The following ROR1 variants were observed in gnomAD, a reference collection of about 807,000 sequenced individuals.
ROR1 encodes the protein ROR family WNT receptor 1.
ROR1 carries 19 observed loss-of-function variants against 78.8 expected under a neutral mutation model. The observed-to-expected ratio is 0.24, with a 90% CI of 0.17 to 0.35. ROR1 has a LOEUF of 0.35. Among genes scored for constraint, ROR1 ranks in the 10% least tolerant of loss-of-function variants. The pLI is 1.00. For missense variants in ROR1, 917 were observed against 1,177.8 expected (o/e 0.78, Z 3.24); for synonymous variants, 386 against 433.6 (o/e 0.89, Z 1.36).
intron 1 of ROR1, among the ~76,000 whole-genome samples, chr1:63,873,481 G>A (rs980841626): frequency 2.0e-5 from 3 of 152,140 alleles, no homozygotes; most frequent in Admixed American, 2.0e-4. Flanking sequence ...CTAGGCTGGA[G>A]TCTTATCCTG....
intron 1 of ROR1, among the ~76,000 whole-genome samples, chr1:63,799,686 ATTAT>A (rs2100252311): frequency 6.8e-6 from 1 of 147,564 alleles, no homozygotes; most frequent in Non-Finnish European, 1.5e-5. Context: ...CTCTTTTGGG[ATTAT>A]TTGTTTATAT....
chr1:64,009,439 C>A, intron 2 of ROR1, 63 bp downstream of exon 2: 2 of 1,257,392 alleles, frequency 1.6e-6, no homozygotes, highest in Admixed American at 3.4e-5. Flanking sequence ...TTAATCCTGG[C>A]ATGACCTTCT....
chr1:64,051,269 G>A (rs1399959882), intron 4 of ROR1, among the ~76,000 whole-genome samples: 1 of 151,828 alleles, frequency 6.6e-6, no homozygotes, highest in Non-Finnish European at 1.5e-5. Context: ...GGCTAACATG[G>A]TGAAACCCGT....
chr1:64,069,092 T>C (rs1307805735), intron 4 of ROR1, among the ~76,000 whole-genome samples: 1 of 151,908 alleles, frequency 6.6e-6, no homozygotes, highest in Non-Finnish European at 1.5e-5. Context: ...TTGTGTAGAC[T>C]TTTTTTTGTA....
At chr1:63,794,934 C>T (rs1394220384) in intron 1 of ROR1, among the ~76,000 whole-genome samples, 1 of 152,006 alleles carries the variant, frequency 6.6e-6, no homozygotes, top group Non-Finnish European at 1.5e-5. Flanking sequence ...GGTGGAGAGA[C>T]ATAATAACCG....
chr1:64,100,960 T>G (rs988948474), intron 4 of ROR1, among the ~76,000 whole-genome samples: 1 of 152,172 alleles, frequency 6.6e-6, no homozygotes, highest in African/African-American at 2.4e-5. Flanking sequence ...GCCAAGTTAC[T>G]TGGGAAAGCC....
intron 4 of ROR1, among the ~76,000 whole-genome samples, chr1:64,071,582 G>GACAC (rs546971973): frequency 1.4e-4 from 15 of 106,382 alleles, no homozygotes; most frequent in African/African-American, 4.7e-4. Context: ...CACCCACACA[G>GACAC]ACACACACAC....
chr1:63,866,340 G>C (rs1427653745), intron 1 of ROR1, among the ~76,000 whole-genome samples: 1 of 152,164 alleles, frequency 6.6e-6, no homozygotes, highest in Non-Finnish European at 1.5e-5. Flanking sequence ...TTTCCTGCTG[G>C]GGTAATCCAA....
At chr1:64,009,255 A>G in intron 1 of ROR1, 50 bp from the exon 2 acceptor site, 1 of 1,327,976 alleles carries the variant, frequency 7.5e-7, no homozygotes, top group Non-Finnish European at 1.1e-6. Context: ...ATAAATTACT[A>G]TATTTAATAT....
intron 4 of ROR1, among the ~76,000 whole-genome samples, chr1:64,119,112 A>AT (rs750886007): frequency 3.7e-4 from 57 of 152,216 alleles, no homozygotes; most frequent in Admixed American, 2.4e-3. Flanking sequence ...ATTTCAATTA[A>AT]TTTTTTTCAC....
intron 1 of ROR1, among the ~76,000 whole-genome samples, chr1:63,935,020 A>C (rs1645783184): frequency 7.7e-6 from 1 of 129,390 alleles, no homozygotes; most frequent in East Asian, 2.7e-4. Context: ...TTGATTTGGG[A>C]GAATTTTTTT....
intron 1 of ROR1, among the ~76,000 whole-genome samples, chr1:63,794,688 C>T (rs1489497487): frequency 2.0e-5 from 3 of 152,212 alleles, no homozygotes; most frequent in Non-Finnish European, 4.4e-5. Flanking sequence ...GGCTTGACTG[C>T]CCCTTCCAGC....
At chr1:64,055,887 T>C (rs143094208) in intron 4 of ROR1, among the ~76,000 whole-genome samples, 1 of 152,206 alleles carries the variant, frequency 6.6e-6, no homozygotes, top group Non-Finnish European at 1.5e-5. Context: ...CCTATCCCTA[T>C]GAATTTGCCT....
At chr1:63,858,561 G>A (rs1029422911) in intron 1 of ROR1, among the ~76,000 whole-genome samples, 1 of 152,212 alleles carries the variant, frequency 6.6e-6, no homozygotes, top group African/African-American at 2.4e-5. Context: ...TTTGCTTAAA[G>A]TGTAAACTGT....
At chr1:63,806,595 G>A (rs544664826) in intron 1 of ROR1, among the ~76,000 whole-genome samples, 19 of 152,346 alleles carry the variant, frequency 1.2e-4, no homozygotes, top group Non-Finnish European at 2.5e-4. Flanking sequence ...GGGATTACAG[G>A]CGTGAGCCAC....
At chr1:63,917,819 T>C (rs1645620824) in intron 1 of ROR1, among the ~76,000 whole-genome samples, 1 of 152,138 alleles carries the variant, frequency 6.6e-6, no homozygotes, top group South Asian at 2.1e-4. Context: ...GAGGCAAATG[T>C]TGTTTTGTGG....
At chr1:63,948,143 A>C (rs1386706601) in intron 1 of ROR1, among the ~76,000 whole-genome samples, 1 of 152,138 alleles carries the variant, frequency 6.6e-6, no homozygotes, top group Non-Finnish European at 1.5e-5. Flanking sequence ...GCCAGTCCAC[A>C]CTGTTCTAGA....
In ROR1 at chr1:63,786,570, C is replaced by G. The variant is rs367863225; in HGVS notation, c.91+12062C>G. Among the ~76,000 whole-genome samples, 32 of 131,706 alleles carry G rather than the reference C, an allele frequency of 2.4e-4. 2 individuals are homozygous for G. The highest frequency in any genetic ancestry group is 1.8e-3 in the Admixed American group (25 of 13,722). 86.4% of individuals were successfully genotyped at this position (131,706 alleles called of 152,430 possible). A position where few individuals can be genotyped will look rare whatever the true frequency, so the allele number is the denominator to read the frequency against. ...TACAGGCGTGAGCCACCGCGCCTGGCCTTTTTTTTTTTTTTTTTTTTTAAG... is the reference window on the plus strand; with the variant it reads ...TACAGGCGTGAGCCACCGCGCCTGGGCTTTTTTTTTTTTTTTTTTTTTAAG... On this transcript the variant is annotated intron_variant, in intron 1 of 8. Coordinates refer to ENST00000371079, the MANE Select transcript of ROR1 (RefSeq NM_005012.4).
At chr1:64,048,033 T>A (rs1439831987) in intron 2 of ROR1, among the ~76,000 whole-genome samples, 2 of 152,216 alleles carry the variant, frequency 1.3e-5, no homozygotes, top group Non-Finnish European at 2.9e-5. Flanking sequence ...TCCTTCTGAA[T>A]TTGGGGGGAC....
Sources: gnomAD v4.1 joint callset for allele counts (sites outside exome capture counted in the v4.1 genomes callset) on GRCh38, gnomAD v4.1.1 for gene constraint, MANE v1.5 for transcripts, NCBI Gene and HGNC (gene_info 2026-07-23, HGNC 2026-07-21) for gene names.